The following QDPR variants were observed in gnomAD, a reference collection of about 807,000 sequenced individuals.
QDPR encodes dihydropteridine reductase.
A neutral mutation model predicts 31.7 loss-of-function variants in QDPR; 23 were observed. That is an observed-to-expected ratio of 0.73 (90% CI 0.52 to 1.03). The LOEUF is 1.03. Among genes scored for constraint, QDPR ranks in the 50% least tolerant of loss-of-function variants. The pLI is 0.00. For missense variants in QDPR, 324 were observed against 323.8 expected, an observed-to-expected ratio of 1.00 and a Z score of 0.00; for synonymous variants, 124 against 124.7, an observed-to-expected ratio of 0.99 and a Z score of 0.03.
chr4:17,511,891 C>T, intron 1 of QDPR, 59 bp downstream of exon 1: 1 of 1,559,666 alleles, frequency 6.4e-7, no homozygotes, highest in Non-Finnish European at 8.7e-7. Flanking sequence ...CGCCGGGTTC[C>T]ACACGAAAGC....
chr4:17,511,749 G>A (rs1303597269), intron 1 of QDPR, among the ~76,000 whole-genome samples: 4 of 152,184 alleles, frequency 2.6e-5, no homozygotes, highest in Admixed American at 2.6e-4. Context: ...GCACAGCAAA[G>A]GCCCAGCGCC....
intron 1 of QDPR, among the ~76,000 whole-genome samples, chr4:17,511,738 T>C (rs1330413420): frequency 6.6e-6 from 1 of 152,156 alleles, no homozygotes. Flanking sequence ...AGCACCTCCT[T>C]GCACAGCAAA....
chr4:17,508,635 A>T (rs935193173), intron 2 of QDPR, among the ~76,000 whole-genome samples: 5 of 40,010 alleles, frequency 1.2e-4, no homozygotes, highest in Non-Finnish European at 1.7e-4. Flanking sequence ...TTTAAGTATA[A>T]AAAAAAAAAA....
In QDPR at chr4:17,509,373, G is replaced by A; in HGVS notation, c.106-10C>T. 1 of 1,611,464 alleles carries A rather than the reference G, an allele frequency of 6.2e-7. No homozygotes were observed. Among genetic ancestry groups the A allele is most frequent in the Non-Finnish European group, 8.5e-7 (1 of 1,177,728 alleles). On this transcript the variant is annotated splice_polypyrimidine_tract_variant and intron_variant, in intron 1 of 6. Transcript: ENST00000281243. ...CAACGCTGGCAACCCACTGGAAGGA[G>A]AAAACAGCTTTGGTTAAGAGGCAGT... is the stretch of plus-strand genomic sequence containing the variant.
chr4:17,501,055 T>G (rs1718545162), intron 4 of QDPR, among the ~76,000 whole-genome samples: 1 of 152,236 alleles, frequency 6.6e-6, no homozygotes, highest in Non-Finnish European at 1.5e-5. Flanking sequence ...TTTACAGTAC[T>G]CTTCAAGTTA....
At chr4:17,507,971 T>A (rs1263792959) in intron 2 of QDPR, among the ~76,000 whole-genome samples, 13 of 152,224 alleles carry the variant, frequency 8.5e-5, no homozygotes, top group Admixed American at 8.5e-4. Context: ...TGGGAAATGA[T>A]ACTATGATGG....
chr4:17,511,954 T>C lies in QDPR; in HGVS notation c.101A>G (p.Asn34Ser), dbSNP rs2108999027. ...SRCVQAFRAR[N>S]WWVASVDVVE... ...AGCCCCAGCCCGCAGCATTACCCAG[T>C]TGCGGGCCCGAAAAGCCTGCACGCA... Residue 34 changes from asparagine (N) to serine (S), a missense_variant, in exon 1 of 7, where the codon AAC becomes AGC. Asn to Ser is a conservative substitution (Grantham distance 46). Transcript: ENST00000281243. The C allele has an allele frequency of 6.2e-7, 1 of 1,609,440 alleles. No individual in the cohort carries two copies. The highest frequency in any genetic ancestry group is 1.7e-4 in the Middle Eastern group (1 of 6,044).
intron 2 of QDPR, among the ~76,000 whole-genome samples, chr4:17,505,243 C>CTTTTTTT (rs1230268105): frequency 2.4e-4 from 25 of 103,278 alleles, no homozygotes; most frequent in South Asian, 3.6e-4. Flanking sequence ...CTTAAGATTT[C>CTTTTTTT]TTTTTTTTTT....
chr4:17,499,950 C>T (rs1011574991), intron 4 of QDPR, among the ~76,000 whole-genome samples: 1 of 151,862 alleles, frequency 6.6e-6, no homozygotes, highest in African/African-American at 2.4e-5. Context: ...AGGTCTCTAC[C>T]ACTTACAAGA....
intron 4 of QDPR, among the ~76,000 whole-genome samples, chr4:17,494,524 C>A (rs1322018270): frequency 6.6e-6 from 1 of 152,228 alleles, no homozygotes; most frequent in Non-Finnish European, 1.5e-5. Context: ...CTCTCCATCA[C>A]CCCATGAAAC....
intron 6 of QDPR, chr4:17,490,320 C>T (rs1219433199): frequency 1.4e-5 from 5 of 349,552 alleles, no homozygotes; most frequent in East Asian, 7.2e-5. Context: ...GAGTGCTTGC[C>T]GCACACTATC....
At chr4:17,503,676 G>A (rs576729023) in intron 3 of QDPR, among the ~76,000 whole-genome samples, 110 of 152,268 alleles carry the variant, frequency 7.2e-4, no homozygotes, top group African/African-American at 2.3e-3. Context: ...TGGGCCAGGC[G>A]CACTGGCTCA....
chr4:17,509,428 T>C (rs556131630), intron 1 of QDPR, 65 bp from the exon 2 acceptor site: 222 of 1,432,430 alleles, frequency 1.5e-4, no homozygotes, highest in Non-Finnish European at 2.0e-4. Context: ...GAGTCACACA[T>C]AGAAATGAGG....
chr4:17,487,833 A>G (rs763327754), intron 6 of QDPR, among the ~76,000 whole-genome samples: 4 of 152,318 alleles, frequency 2.6e-5, no homozygotes, highest in Non-Finnish European at 5.9e-5. Flanking sequence ...GCCAGTAGGC[A>G]TGATGGACAC....
intron 2 of QDPR, among the ~76,000 whole-genome samples, chr4:17,505,756 G>A (rs1300875060): frequency 6.6e-6 from 1 of 152,118 alleles, no homozygotes; most frequent in Non-Finnish European, 1.5e-5. Context: ...CATTTCAGTT[G>A]ATTACCTCTT....
chr4:17,501,702 G>C lies in QDPR; in HGVS notation c.436+17C>G, dbSNP rs765346239. 25 of 1,613,252 alleles carry C rather than the reference G, an allele frequency of 1.5e-5. No homozygotes were observed. In the African/African-American group the frequency reaches 2.4e-4, roughly 16 times the overall value. On this transcript the variant is annotated intron_variant, in intron 4 of 6. Coordinates refer to ENST00000281243, the MANE Select transcript of QDPR (RefSeq NM_000320.3). Reference sequence around the variant, plus strand: ...GGTAAGCAACCCCACTCCACAGATAGGGAAATAAAGGCTTACCAGGAGTCC... The same window carrying C: ...GGTAAGCAACCCCACTCCACAGATACGGAAATAAAGGCTTACCAGGAGTCC...
chr4:17,510,075 T>G, intron 1 of QDPR: 1 of 427,402 alleles, frequency 2.3e-6, no homozygotes, highest in Non-Finnish European at 4.7e-6. Flanking sequence ...TCATTAATTT[T>G]CATATACAAC....
intron 5 of QDPR, among the ~76,000 whole-genome samples, chr4:17,491,952 C>T (rs1028340838): frequency 2.0e-5 from 3 of 152,204 alleles, no homozygotes; most frequent in African/African-American, 4.8e-5. Flanking sequence ...AATGAGCCCT[C>T]GCCAGGCACC....
Position 17,511,775 on chromosome 4 carries a change from G to C in QDPR, c.105+175C>G, listed in dbSNP as rs76284223. On this transcript the variant is annotated intron_variant, in intron 1 of 6. Coordinates refer to ENST00000281243, the MANE Select transcript of QDPR (RefSeq NM_000320.3). Reference sequence around the variant, plus strand: ...GCCCAGCGCCCTGGGACTGGCGTGCGCACGCACTCGGAAACAGGAATAGAC... The same window carrying C: ...GCCCAGCGCCCTGGGACTGGCGTGCCCACGCACTCGGAAACAGGAATAGAC... Among the ~76,000 whole-genome samples, 626 of 152,226 alleles carry C rather than the reference G, an allele frequency of 4.1e-3. 4 individuals carry two copies. The highest frequency in any genetic ancestry group is 0.014 in the African/African-American group (594 of 41,524).
Sources: gnomAD v4.1 joint callset for allele counts (sites outside exome capture counted in the v4.1 genomes callset) on GRCh38, gnomAD v4.1.1 for gene constraint, MANE v1.5 for transcripts, NCBI Gene and HGNC (gene_info 2026-07-23, HGNC 2026-07-21) for gene names.